COPG2: variants seen among roughly 807,000 people sequenced by gnomAD.
COPG2 encodes the protein coatomer subunit gamma-2.
Under a neutral mutation model 46.3 loss-of-function variants are expected in COPG2, and 37 were observed. The observed-to-expected ratio is 0.80, with a 90% CI of 0.61 to 1.05. COPG2 has a LOEUF of 1.05. Among genes scored for constraint, COPG2 ranks in the 50% least tolerant of loss-of-function variants. The pLI, the probability that COPG2 is intolerant of heterozygous loss-of-function variation, is 0.00. For missense variants in COPG2, 427 were observed against 387.8 expected (o/e 1.10, Z -0.85); for synonymous variants, 159 against 129.7 (o/e 1.23, Z -1.53).
intron 9 of COPG2, among the ~76,000 whole-genome samples, chr7:130,570,535 C>A (rs1793877418): frequency 6.6e-6 from 1 of 152,040 alleles, no homozygotes; most frequent in African/African-American, 2.4e-5. Context: ...CAAAACACTG[C>A]TGAAAGAAAT....
chr7:130,573,501 T>C lies in COPG2; in HGVS notation c.738-9108A>G, dbSNP rs184755323. ...AAAAAGAATTATATACATAATTAAG[T>C]GGCATTAATCACAGGAACGTAAAAG... On this transcript the variant is annotated intron_variant, in intron 9 of 23. Coordinates refer to ENST00000425248, the MANE Select transcript of COPG2 (RefSeq NM_012133.6). Among the ~76,000 whole-genome samples, 182 of 152,082 alleles carry C rather than the reference T, an allele frequency of 1.2e-3. 2 individuals carry two copies. Among genetic ancestry groups the C allele is most frequent in the African/African-American group, 4.0e-3 (166 of 41,528 alleles).
At chr7:130,636,335 G>A (rs1463538613) in intron 5 of COPG2, among the ~76,000 whole-genome samples, 1 of 152,104 alleles carries the variant, frequency 6.6e-6, no homozygotes, top group Non-Finnish European at 1.5e-5. Flanking sequence ...TTGTGTGGGA[G>A]TCTAGGTCTC....
At chr7:130,532,280 G>A (rs1402554666) in intron 20 of COPG2, among the ~76,000 whole-genome samples, 1 of 152,214 alleles carries the variant, frequency 6.6e-6, no homozygotes, top group Non-Finnish European at 1.5e-5. Flanking sequence ...CCAGACTGGA[G>A]GACTCAGGTG....
chr7:130,509,833 C>T lies in COPG2; in HGVS notation c.2150-1174G>A, dbSNP rs9656391. 2,961 of 501,734 alleles carry T rather than the reference C, an allele frequency of 5.9e-3. 74 individuals carry two copies. The highest frequency in any genetic ancestry group is 0.052 in the African/African-American group (2,680 of 51,586). 31.1% of individuals were successfully genotyped at this position (501,734 alleles called of 1,614,324 possible). On this transcript the variant is annotated intron_variant, in intron 20 of 23. Transcript: ENST00000425248. ...TTTAAGAGAGTGCCATGTGAGGGTG[C>T]GGGATTAACAAATAGCCTGGGAAAA... is the stretch of plus-strand genomic sequence containing the variant.
intron 9 of COPG2, among the ~76,000 whole-genome samples, chr7:130,597,111 C>A (rs139656953): frequency 0.024 from 3,637 of 152,292 alleles, 69 homozygotes; most frequent in Non-Finnish European, 0.04. Context: ...ACACCAGATA[C>A]CCTGCACGAT....
chr7:130,609,740 T>G (rs187464575), intron 9 of COPG2, among the ~76,000 whole-genome samples: 2 of 152,356 alleles, frequency 1.3e-5, no homozygotes, highest in East Asian at 3.9e-4. Flanking sequence ...TCTATTGACT[T>G]GTCTTTAAGT....
At chr7:130,653,620 A>G (rs1319134107) in intron 4 of COPG2, among the ~76,000 whole-genome samples, 12 of 152,170 alleles carry the variant, frequency 7.9e-5, no homozygotes, top group Middle Eastern at 3.2e-3. Flanking sequence ...ACTCAACTGG[A>G]TCTCTGATTT....
intron 20 of COPG2, chr7:130,509,013 G>A: frequency 2.2e-6 from 1 of 462,748 alleles, no homozygotes; most frequent in Non-Finnish European, 4.2e-6. Flanking sequence ...GAGAACCACT[G>A]CTGTAGGACC....
chr7:130,519,553 G>A (rs1413945169), intron 20 of COPG2, among the ~76,000 whole-genome samples: 1 of 152,056 alleles, frequency 6.6e-6, no homozygotes, highest in African/African-American at 2.4e-5. Flanking sequence ...AAAGAATGCT[G>A]GAGAAAATGT....
intron 9 of COPG2, among the ~76,000 whole-genome samples, chr7:130,599,834 A>G (rs1404925485): frequency 6.6e-6 from 1 of 152,186 alleles, no homozygotes; most frequent in Non-Finnish European, 1.5e-5. Flanking sequence ...GGTACAAAGA[A>G]ATGTGCTACT....
At chr7:130,585,751 C>CA (rs1794253200) in intron 9 of COPG2, among the ~76,000 whole-genome samples, 2 of 151,960 alleles carry the variant, frequency 1.3e-5, no homozygotes, top group Admixed American at 1.3e-4. Flanking sequence ...AAATGCAAAT[C>CA]AAAACCACAA....
Position 130,617,032 on chromosome 7 carries a change from T to A in COPG2, c.357A>T (p.Val119=). Reference sequence around the variant, plus strand: ...GAGCTCTGATGGCCGGGCCTCGGTATACATCTTCTTTTCCAGTCATGTCTT... The same window carrying A: ...GAGCTCTGATGGCCGGGCCTCGGTAAACATCTTCTTTTCCAGTCATGTCTT... ...LTKDMTGKED[V]YRGPAIRALC... Residue 119 remains valine (V), a synonymous_variant, in exon 6 of 24, where the codon GTA becomes GTT. Coordinates refer to ENST00000425248, the MANE Select transcript of COPG2 (RefSeq NM_012133.6). 2 of 1,611,388 alleles carry A rather than the reference T, an allele frequency of 1.2e-6. No individual in the cohort carries two copies. The highest frequency in any genetic ancestry group is 1.1e-5 in the South Asian group (1 of 90,808).
At chr7:130,529,816 G>A (rs1799806451) in intron 20 of COPG2, among the ~76,000 whole-genome samples, 1 of 152,244 alleles carries the variant, frequency 6.6e-6, no homozygotes. Flanking sequence ...GGCCAGAGGA[G>A]CTGTTAGGAC....
intron 5 of COPG2, among the ~76,000 whole-genome samples, chr7:130,629,327 G>A (rs557920058): frequency 2.6e-5 from 4 of 151,432 alleles, no homozygotes; most frequent in African/African-American, 9.7e-5. Context: ...TAATTTTGGG[G>A]AAAAAAATGG....
intron 9 of COPG2, among the ~76,000 whole-genome samples, chr7:130,599,658 C>G (rs1281355504): frequency 6.6e-6 from 1 of 151,454 alleles, no homozygotes; most frequent in Non-Finnish European, 1.5e-5. Flanking sequence ...AAAAAGAAGA[C>G]ACAAAATATA....
chr7:130,533,208 G>C (rs1358402918), intron 20 of COPG2, among the ~76,000 whole-genome samples: 1 of 151,582 alleles, frequency 6.6e-6, no homozygotes, highest in Non-Finnish European at 1.5e-5. Context: ...TGGTTTTGCT[G>C]TTCAGGAATG....
chr7:130,644,758 G>C (rs1362017936), intron 5 of COPG2, among the ~76,000 whole-genome samples: 1 of 152,124 alleles, frequency 6.6e-6, no homozygotes, highest in African/African-American at 2.4e-5. Flanking sequence ...GTCTTCAGAA[G>C]AGTCTGCTAT....
chr7:130,635,963 C>T (rs1002490576), intron 5 of COPG2, among the ~76,000 whole-genome samples: 5 of 151,952 alleles, frequency 3.3e-5, no homozygotes, highest in Admixed American at 2.6e-4. Flanking sequence ...CATTATTTAC[C>T]CAGTAGTCAT....
chr7:130,607,380 T>C lies in COPG2; in HGVS notation c.737+3573A>G, dbSNP rs190253678. ...GGGTTAGTTTCTATTGATTGCTTTT[T>C]CTCTTGGCTACTAGTCACATTTTCC... is the stretch of plus-strand genomic sequence containing the variant. On this transcript the variant is annotated intron_variant, in intron 9 of 23. Transcript: ENST00000425248. 5.2e-4 allele frequency: 211 copies of C among 406,886 alleles called. 2 individuals are homozygous for C. The highest frequency in any genetic ancestry group is 3.9e-3 in the African/African-American group (187 of 47,818). 25.2% of individuals were successfully genotyped at this position (406,886 alleles called of 1,614,324 possible). A position where few individuals can be genotyped will look rare whatever the true frequency, so the allele number is the denominator to read the frequency against.
Sources: allele counts gnomAD v4.1 joint callset (sites outside exome capture counted in the v4.1 genomes callset), GRCh38; gene constraint gnomAD v4.1.1; transcripts MANE v1.5; gene names NCBI Gene and HGNC (gene_info 2026-07-23, HGNC 2026-07-21).